Variants in LEKR1 observed in about 807,000 individuals in gnomAD.
The protein encoded by LEKR1 is protein LEKR1.
A neutral mutation model predicts 72.4 loss-of-function variants in LEKR1; 59 were observed. The ratio of observed to expected loss-of-function variants is 0.82; its 90% confidence interval spans 0.66 to 1.01. LEKR1 has a LOEUF of 1.01. Ranked by LOEUF, LEKR1 falls within the 50% of genes least tolerant of loss-of-function variation. The probability of loss-of-function intolerance (pLI) is 0.00; values close to 1 mark genes in which losing one functional copy is unlikely to be tolerated. For synonymous variants in LEKR1, 257 were observed against 263.2 expected (o/e 0.98, Z 0.23); for missense variants, 728 against 759.2 (o/e 0.96, Z 0.48).
chr3:157,028,443 G>A (rs1734365799), intron 12 of LEKR1, 41 bp downstream of exon 12: 2 of 1,475,812 alleles, frequency 1.4e-6, no homozygotes, highest in African/African-American at 1.4e-5. Flanking sequence ...TAATCAAAGA[G>A]CACATGTTCT....
intron 6 of LEKR1, among the ~76,000 whole-genome samples, chr3:156,957,580 GTTTT>G (rs1372500629): frequency 6.6e-6 from 1 of 151,522 alleles, no homozygotes; most frequent in East Asian, 1.9e-4. Flanking sequence ...ATTAGCCACA[GTTTT>G]TATACTCATT....
chr3:157,031,079 G>A (rs1734571963), intron 12 of LEKR1, among the ~76,000 whole-genome samples: 1 of 152,124 alleles, frequency 6.6e-6, no homozygotes, highest in Non-Finnish European at 1.5e-5. Flanking sequence ...ATGAATATCA[G>A]GAGAGTAAGG....
At chr3:156,976,329 T>C (rs1441346175) in intron 6 of LEKR1, among the ~76,000 whole-genome samples, 1 of 152,154 alleles carries the variant, frequency 6.6e-6, no homozygotes, top group Admixed American at 6.5e-5. Context: ...TATAGCTGCA[T>C]TTAGAAGTAA....
At chr3:156,879,397 C>A (rs1010994597) in intron 3 of LEKR1, among the ~76,000 whole-genome samples, 6 of 152,138 alleles carry the variant, frequency 3.9e-5, no homozygotes, top group African/African-American at 1.4e-4. Flanking sequence ...TTTAGAGTAT[C>A]TGGTGGAAGA....
At chr3:156,938,849 T>C (rs1417199354) in intron 5 of LEKR1, among the ~76,000 whole-genome samples, 2 of 152,208 alleles carry the variant, frequency 1.3e-5, no homozygotes, top group South Asian at 2.1e-4. Flanking sequence ...CCTAATGATA[T>C]AATGACCTAA....
chr3:156,978,432 C>G (rs1021285956), intron 6 of LEKR1, among the ~76,000 whole-genome samples: 17 of 152,176 alleles, frequency 1.1e-4, no homozygotes, highest in African/African-American at 4.1e-4. Flanking sequence ...AGTTTGTTTT[C>G]CATTATAACT....
chr3:157,006,358 G>A (rs1318780269), intron 9 of LEKR1, among the ~76,000 whole-genome samples: 1 of 152,182 alleles, frequency 6.6e-6, no homozygotes, highest in African/African-American at 2.4e-5. Context: ...AGTATGAAGT[G>A]TTTACAAAGA....
intron 3 of LEKR1, among the ~76,000 whole-genome samples, chr3:156,855,332 A>G (rs1467539398): frequency 2.0e-5 from 3 of 152,022 alleles, no homozygotes; most frequent in Non-Finnish European, 4.4e-5. Context: ...ATTTTTTTCA[A>G]TCTCTTGAGT....
chr3:156,997,713 T>A (rs1731692305), intron 9 of LEKR1, among the ~76,000 whole-genome samples: 1 of 152,128 alleles, frequency 6.6e-6, no homozygotes, highest in South Asian at 2.1e-4. Flanking sequence ...GGTCACAAAT[T>A]GTGCAGTTTA....
At chr3:156,924,793 A>G (rs539614949) in intron 4 of LEKR1, 75 of 324,866 alleles carry the variant, frequency 2.3e-4, no homozygotes, top group Middle Eastern at 1.7e-3. Flanking sequence ...TTTCTATTCT[A>G]TTCCATTAAT....
intron 12 of LEKR1, among the ~76,000 whole-genome samples, chr3:157,028,682 A>G (rs1734382719): frequency 6.6e-6 from 1 of 152,186 alleles, no homozygotes; most frequent in African/African-American, 2.4e-5. Flanking sequence ...TAACTATTTT[A>G]AGCCTCTAAG....
intron 6 of LEKR1, among the ~76,000 whole-genome samples, chr3:156,974,418 A>C (rs74394007): frequency 0.16 from 24,956 of 152,118 alleles, 2,280 homozygotes; most frequent in South Asian, 0.26. Flanking sequence ...TCATTCCCAA[A>C]TGAAAATGAA....
At chr3:156,990,515 G>A (rs963083489) in intron 7 of LEKR1, among the ~76,000 whole-genome samples, 3 of 152,082 alleles carry the variant, frequency 2.0e-5, no homozygotes, top group African/African-American at 4.8e-5. Flanking sequence ...TTACTATAGC[G>A]ATTGCTAAAT....
chr3:156,910,482 GA>G (rs1466490376), intron 3 of LEKR1, among the ~76,000 whole-genome samples: 1 of 152,198 alleles, frequency 6.6e-6, no homozygotes, highest in Non-Finnish European at 1.5e-5. Context: ...GGGTTGGGCT[GA>G]AAAACTAACT....
intron 3 of LEKR1, among the ~76,000 whole-genome samples, chr3:156,892,656 G>A (rs949108967): frequency 2.0e-5 from 3 of 152,130 alleles, no homozygotes; most frequent in Non-Finnish European, 2.9e-5. Context: ...GCCTCACACT[G>A]ACCATAACTC....
chr3:156,904,625 GAT>G (rs1355527657), intron 3 of LEKR1, among the ~76,000 whole-genome samples: 1 of 148,606 alleles, frequency 6.7e-6, no homozygotes, highest in Non-Finnish European at 1.5e-5. Context: ...CACCCAGCTA[GAT>G]ATATATATGA....
intron 4 of LEKR1, among the ~76,000 whole-genome samples, chr3:156,922,785 A>G (rs1409672092): frequency 6.6e-6 from 1 of 152,222 alleles, no homozygotes; most frequent in Non-Finnish European, 1.5e-5. Context: ...TGAATGAAAT[A>G]TAGATATATT....
chr3:156,903,686 C>T (rs1419658251), intron 3 of LEKR1, among the ~76,000 whole-genome samples: 1 of 152,168 alleles, frequency 6.6e-6, no homozygotes, highest in African/African-American at 2.4e-5. Flanking sequence ...CTCTGCTTCT[C>T]TAGAGGGTCA....
At chr3:157,041,260 A>T (rs1031687803) in intron 12 of LEKR1, among the ~76,000 whole-genome samples, 1 of 152,044 alleles carries the variant, frequency 6.6e-6, no homozygotes, top group Non-Finnish European at 1.5e-5. Flanking sequence ...ACCTGACCCA[A>T]GGGGCACTTG....
Sources: allele counts gnomAD v4.1 joint callset (sites outside exome capture counted in the v4.1 genomes callset), GRCh38; gene constraint gnomAD v4.1.1; transcripts MANE v1.5; gene names NCBI Gene and HGNC (gene_info 2026-07-23, HGNC 2026-07-21).